CASD1: variants seen among roughly 807,000 people sequenced by gnomAD.
CASD1 encodes the protein N-acetylneuraminate (7)9-O-acetyltransferase.
A neutral mutation model predicts 100.0 loss-of-function variants in CASD1; 41 were observed. The ratio of observed to expected loss-of-function variants is 0.41; its 90% confidence interval spans 0.32 to 0.53. The LOEUF (loss-of-function observed/expected upper bound fraction) is 0.53, where lower values mean the gene tolerates loss of function less well. Ranked by LOEUF, CASD1 falls within the 20% of genes least tolerant of loss-of-function variation. The pLI is 0.25. For synonymous variants in CASD1, 321 were observed against 315.6 expected (o/e 1.02, Z -0.18); for missense variants, 774 against 948.7 (o/e 0.82, Z 2.42).
chr7:94,571,836 A>G, the CASD1 span, among the ~76,000 whole-genome samples: 2 of 151,208 alleles, frequency 1.3e-5, no homozygotes, highest in Middle Eastern at 3.4e-3. Context: ...AAAGATGGTC[A>G]AGTGTATGAC....
At chr7:94,531,140 G>A (rs531769537) in intron 5 of CASD1, among the ~76,000 whole-genome samples, 1 of 152,190 alleles carries the variant, frequency 6.6e-6, no homozygotes, top group Non-Finnish European at 1.5e-5. Flanking sequence ...CAGGGTTCAA[G>A]GAAAACTTTT....
At position 94,537,845 on chromosome 7, in the gene CASD1, T is replaced by G; in HGVS notation, c.1217T>G (p.Ile406Ser). 1 of 1,579,146 alleles carries G rather than the reference T, an allele frequency of 6.3e-7. No individual in the cohort carries two copies. The highest frequency in any genetic ancestry group is 8.7e-7 in the Non-Finnish European group (1 of 1,149,066). Residue 406 changes from isoleucine to serine, a missense_variant, in exon 9 of 18, where the codon ATT becomes AGT. Around this residue, in one of 5 missense-constraint regions of CASD1, gnomAD observed 453 missense variants for 532.6 expected, o/e 0.85. Coordinates refer to ENST00000297273, the MANE Select transcript of CASD1 (RefSeq NM_022900.5). ...FYTHSSFFIP[I>S]IYILVLGVFY... ...ACACATTCATCTTTCTTTATTCCAA[T>G]TATCTACATTTTGGTTTTGGGAGTA...
intron 1 of CASD1, among the ~76,000 whole-genome samples, 159 bp downstream of exon 1, chr7:94,510,376 GC>G (rs1358690074): frequency 6.6e-6 from 1 of 152,136 alleles, no homozygotes; most frequent in Non-Finnish European, 1.5e-5. Context: ...AGCGGCCGGC[GC>G]CCGAGGCCAA....
chr7:94,625,109 A>G, the CASD1 span: 2 of 152,118 alleles, frequency 1.3e-5, no homozygotes, highest in African/African-American at 4.8e-5. Context: ...ACGTGTGCAT[A>G]CTTTATTTTT....
At chr7:94,599,612 G>T in the CASD1 span, 2 of 1,023,884 alleles carry the variant, frequency 2.0e-6, no homozygotes, top group Non-Finnish European at 3.1e-6. Flanking sequence ...ATGAAAAAAA[G>T]CTTGACACAC....
At chr7:94,600,869 G>A in the CASD1 span, 1 of 1,590,686 alleles carries the variant, frequency 6.3e-7, no homozygotes, top group Non-Finnish European at 8.6e-7. Context: ...TGATATAAAA[G>A]AAGACAATTA....
intron 1 of CASD1, among the ~76,000 whole-genome samples, chr7:94,515,544 G>A (rs576199001): frequency 6.6e-6 from 1 of 152,006 alleles, no homozygotes; most frequent in South Asian, 2.1e-4. Context: ...TTTTAGACAC[G>A]TTTTCTGGGG....
At chr7:94,604,806 AATATATATAT>A in the CASD1 span, among the ~76,000 whole-genome samples, 944 of 43,980 alleles carry the variant, frequency 0.021, 15 homozygotes, top group African/African-American at 0.063. Flanking sequence ...ATGGTGCTGG[AATATATATAT>A]ATATATATAT....
Position 94,526,583 on chromosome 7 carries a change from G to A in CASD1, c.352-579G>A, listed in dbSNP as rs570961610. ...GTGAGTGGATCACTTGAGCCCAGGAGTTCGAGACCAGCTGGGCAACGTGAC... is the reference window on the plus strand; with the variant it reads ...GTGAGTGGATCACTTGAGCCCAGGAATTCGAGACCAGCTGGGCAACGTGAC... On this transcript the variant is annotated intron_variant, in intron 3 of 17. Transcript: ENST00000297273. Among the ~76,000 whole-genome samples the A allele has an allele frequency of 9.8e-5, 15 of 152,314 alleles. No individual in the cohort carries two copies. The South Asian group carries it at 2.7e-3, about 27-fold the overall frequency.
At chr7:94,534,653 T>C (rs921662795) in intron 7 of CASD1, among the ~76,000 whole-genome samples, 3 of 152,144 alleles carry the variant, frequency 2.0e-5, no homozygotes, top group African/African-American at 7.2e-5. Flanking sequence ...ATGCCATGGA[T>C]ATTTTAGCAA....
the CASD1 span, chr7:94,588,460 C>G: frequency 2.2e-6 from 3 of 1,349,278 alleles, no homozygotes; most frequent in South Asian, 1.7e-5. Flanking sequence ...GACAGGACCT[C>G]CATGGATGCT....
intron 12 of CASD1, among the ~76,000 whole-genome samples, chr7:94,546,437 ATAT>A (rs958544704): frequency 6.6e-6 from 1 of 151,908 alleles, no homozygotes; most frequent in African/African-American, 2.4e-5. Context: ...TTTCAACCAA[ATAT>A]TATGTGTCAA....
chr7:94,625,370 T>C, the CASD1 span: 1 of 151,968 alleles, frequency 6.6e-6, no homozygotes, highest in Non-Finnish European at 1.5e-5. Flanking sequence ...CTTTTTTTTA[T>C]CTTTTTACTA....
the CASD1 span, chr7:94,598,471 T>G: frequency 6.1e-6 from 2 of 326,982 alleles, no homozygotes; most frequent in Non-Finnish European, 1.1e-5. Context: ...TATGGTTCTT[T>G]TTTTTATAAT....
chr7:94,612,954 T>G, the CASD1 span, among the ~76,000 whole-genome samples: 1 of 152,192 alleles, frequency 6.6e-6, no homozygotes, highest in Non-Finnish European at 1.5e-5. Context: ...CCTGTCCACT[T>G]TGTTTTGTCC....
chr7:94,538,927 C>A, intron 9 of CASD1, 40 bp from the exon 10 acceptor site: 1 of 1,077,158 alleles, frequency 9.3e-7, no homozygotes, highest in Non-Finnish European at 1.4e-6. Context: ...ATAATTTCTT[C>A]ATGATAAATT....
At chr7:94,630,391 T>C in the CASD1 span, among the ~76,000 whole-genome samples, 1 of 151,906 alleles carries the variant, frequency 6.6e-6, no homozygotes, top group African/African-American at 2.4e-5. Flanking sequence ...GGATACTTTT[T>C]CTGGGTATTC....
At chr7:94,604,477 C>A in the CASD1 span, among the ~76,000 whole-genome samples, 10 of 151,704 alleles carry the variant, frequency 6.6e-5, no homozygotes, top group Non-Finnish European at 1.2e-4. Flanking sequence ...TCACAATTCC[C>A]AATTTGAAAA....
At chr7:94,632,744 C>A in the CASD1 span, among the ~76,000 whole-genome samples, 2 of 152,180 alleles carry the variant, frequency 1.3e-5, no homozygotes, top group Non-Finnish European at 2.9e-5. Flanking sequence ...ACTTGCAAAA[C>A]AAATAGCTCT....
Sources: allele counts gnomAD v4.1 joint callset (sites outside exome capture counted in the v4.1 genomes callset), GRCh38; gene constraint gnomAD v4.1.1; regional missense constraint gnomAD v4.1.1; transcripts MANE v1.5; gene names NCBI Gene and HGNC (gene_info 2026-07-23, HGNC 2026-07-21).